ACVR2B: variants seen among roughly 807,000 people sequenced by gnomAD.
ACVR2B encodes activin receptor type-2B.
Under a neutral mutation model 65.1 loss-of-function variants are expected in ACVR2B, and 18 were observed. The ratio of observed to expected loss-of-function variants is 0.28; its 90% CI spans 0.19 to 0.41. The LOEUF (loss-of-function observed/expected upper bound fraction) is 0.41. ACVR2B is among the 10% of genes least tolerant of loss of function. The pLI is 1.00. For synonymous variants in ACVR2B, 298 were observed against 277.7 expected (o/e 1.07, Z -0.73); for missense variants, 482 against 682.7 (o/e 0.71, Z 3.28).
intron 1 of ACVR2B, among the ~76,000 whole-genome samples, chr3:38,455,478 G>A (rs1015297806): frequency 3.3e-5 from 5 of 152,006 alleles, no homozygotes; most frequent in Non-Finnish European, 5.9e-5. Context: ...GGCGGGGCCG[G>A]GCGTGCAGGG....
Position 38,454,312 on chromosome 3 carries a change from C to T in ACVR2B, c.-11C>T. ...CGGGCTCCGGGTGTGCGCGGGGCGG[C>T]GCCGCGGAACATGACGGCGCCCTGG... On this transcript the variant is annotated 5_prime_UTR_variant, in exon 1 of 11. Transcript: ENST00000352511. 1.6e-6 allele frequency: 2 copies of T among 1,286,596 alleles called. No homozygotes were observed. The highest frequency in any genetic ancestry group is 2.0e-6 in the Non-Finnish European group (2 of 1,016,786). 79.7% of individuals were successfully genotyped at this position (1,286,596 alleles called of 1,614,324 possible).
chr3:38,483,249 A>G lies in ACVR2B; in HGVS notation c.1456A>G (p.Asn486Asp), dbSNP rs777617241. The G allele has an allele frequency of 6.2e-7, 1 of 1,613,964 alleles. No homozygotes were observed. The highest frequency in any genetic ancestry group is 2.2e-5 in the East Asian group (1 of 44,882). ...GGTGTCCCTGATTCGGAGGTCGGTC[A>G]ACGGCACTACCTCGGACTGTCTCGT... is the stretch of plus-strand genomic sequence containing the variant. ...ERVSLIRRSVNGTTSDCLVSL... is the reference protein window; with the variant it reads ...ERVSLIRRSVDGTTSDCLVSL... Residue 486 changes from asparagine (N) to aspartate (D), a missense_variant, in exon 11 of 11, where the codon AAC (asparagine) becomes GAC (aspartate). Physicochemically the swap from Asn to Asp is conservative, Grantham distance 23 (BLOSUM62 1). Around this residue, in one of 5 missense-constraint regions of ACVR2B, gnomAD observed 223 missense variants for 386.3 expected, o/e 0.58. Coordinates refer to ENST00000352511, the MANE Select transcript of ACVR2B (RefSeq NM_001106.4). The surrounding 1 kb of genome is among the most constrained non-coding windows in gnomAD (Gnocchi z 4.8).
In ACVR2B at chr3:38,483,651, G is replaced by C; in HGVS notation, c.*319G>C. 6.4e-6 allele frequency: 1 copy of C among 156,418 alleles called. No homozygotes were observed. Among genetic ancestry groups the C allele is most frequent in the Non-Finnish European group, 1.4e-5 (1 of 71,220 alleles). The allele number at this position is 156,418 out of a possible 1,614,324, so 9.7% of individuals were successfully genotyped here. A position where few individuals can be genotyped will look rare whatever the true frequency, so the allele number is the denominator to read the frequency against. On this transcript the variant is annotated 3_prime_UTR_variant, in exon 11 of 11. Coordinates refer to ENST00000352511, the MANE Select transcript of ACVR2B (RefSeq NM_001106.4). The surrounding 1 kb of genome is among the most constrained non-coding windows in gnomAD (Gnocchi z 4.8). ...GCCTCAGCCACCTCCTGTCCTTTGG[G>C]ATTCGTTTTTCCCGCTTTCTCTTTG...
In ACVR2B at chr3:38,478,475, A is replaced by G. The variant is rs1443785575; in HGVS notation, c.623A>G (p.Gln208Arg). 1 of 1,614,182 alleles carries G rather than the reference A, an allele frequency of 6.2e-7. No individual in the cohort carries two copies. Among genetic ancestry groups the G allele is most frequent in the African/African-American group, 1.3e-5 (1 of 75,060 alleles). ...RGRFGCVWKAQLMNDFVAVKI... is the reference protein window; with the variant it reads ...RGRFGCVWKARLMNDFVAVKI... ...CGCTTTGGCTGTGTCTGGAAGGCCC[A>G]GCTCATGAATGACTTTGTAGCTGTC... Residue 208 changes from glutamine to arginine, a missense_variant, in exon 5 of 11, where the codon CAG becomes CGG. Gln to Arg is a conservative substitution (Grantham distance 43). Around this residue, in one of 5 missense-constraint regions of ACVR2B, gnomAD observed 223 missense variants for 386.3 expected, o/e 0.58. Coordinates refer to ENST00000352511, the MANE Select transcript of ACVR2B (RefSeq NM_001106.4).
chr3:38,479,941 G>A (rs751743153), intron 7 of ACVR2B, 115 bp downstream of exon 7: 1 of 1,364,278 alleles, frequency 7.3e-7, no homozygotes, highest in Non-Finnish European at 1.0e-6. Context: ...TACCCTGCTT[G>A]CTGTGTGTCC....
chr3:38,482,425 C>T lies in ACVR2B; in HGVS notation c.1214-5C>T, dbSNP rs760639941. Reference sequence around the variant, plus strand: ...TGATCCTGCCAGGCTCTCTCTTTCTCCTAGGACCCGTGGATGAGTACATGC... The same window carrying T: ...TGATCCTGCCAGGCTCTCTCTTTCTTCTAGGACCCGTGGATGAGTACATGC... On this transcript the variant is annotated splice_polypyrimidine_tract_variant and splice_region_variant and intron_variant, in intron 9 of 10. Coordinates refer to ENST00000352511, the MANE Select transcript of ACVR2B (RefSeq NM_001106.4). The T allele has an allele frequency of 1.2e-6, 2 of 1,611,906 alleles. No individual in the cohort carries two copies. Among genetic ancestry groups the T allele is most frequent in the Non-Finnish European group, 1.7e-6 (2 of 1,179,644 alleles).
At chr3:38,456,200 G>C (rs1005109041) in intron 1 of ACVR2B, among the ~76,000 whole-genome samples, 1 of 152,222 alleles carries the variant, frequency 6.6e-6, no homozygotes, top group African/African-American at 2.4e-5. Context: ...TGGGAGGAAG[G>C]TGGGGGTCAC....
At chr3:38,479,407 G>T in intron 6 of ACVR2B, 136 bp downstream of exon 6, 1 of 1,358,792 alleles carries the variant, frequency 7.4e-7, no homozygotes, top group East Asian at 2.4e-5. Flanking sequence ...ATCCACTATG[G>T]GGTTACTCCT....
rs1710080722 is a variant in ACVR2B at position 38,484,498 on chromosome 3, CG to C, written c.*1167del. 6.6e-6 allele frequency: 1 copy of C among 152,186 alleles called. No homozygotes were observed. The allele number at this position is 152,186 out of a possible 1,614,324, so 9.4% of individuals were successfully genotyped here. A position where few individuals can be genotyped will look rare whatever the true frequency, so the allele number is the denominator to read the frequency against. On this transcript the variant is annotated 3_prime_UTR_variant, in exon 11 of 11. Transcript: ENST00000352511. ...CCCCAGGTGGTGACATTACTGTCCC[CG>C]TTCTGTGGCTCGTGGACAAGACTTT...
In ACVR2B at chr3:38,481,079, G is replaced by A. The variant is rs138965859; in HGVS notation, c.960-272G>A. On this transcript the variant is annotated intron_variant, in intron 7 of 10. Coordinates refer to ENST00000352511, the MANE Select transcript of ACVR2B (RefSeq NM_001106.4). The surrounding 1 kb of genome is among the most constrained non-coding windows in gnomAD (Gnocchi z 4.7). ...TATATGGGCTGGCCTTTGATAGTGT[G>A]GGGACTGGGACAGGGTCTGCCCAGC... 6.5e-3 allele frequency among the ~76,000 whole-genome samples: 994 copies of A among 152,336 alleles called. 5 individuals carry two copies. Among genetic ancestry groups the A allele is most frequent in the Middle Eastern group, 0.02 (6 of 294 alleles).
chr3:38,459,494 C>T (rs1410149844), intron 1 of ACVR2B: 1 of 702,584 alleles, frequency 1.4e-6, no homozygotes, highest in Non-Finnish European at 1.7e-6. Context: ...AGCAGCCCCT[C>T]TCTGCTCACC....
chr3:38,490,551 ACT>A lies in ACVR2B; in HGVS notation c.*7224_*7225del, dbSNP rs1710193292. 6.6e-6 allele frequency: 1 copy of A among 151,436 alleles called. No individual in the cohort carries two copies. The highest frequency in any genetic ancestry group is 2.4e-5 in the African/African-American group (1 of 40,984). The allele number at this position is 151,436 out of a possible 1,614,324, so 9.4% of individuals were successfully genotyped here. ...ATTCTGTTGTGCCTTTGTTTTTATC[ACT>A]CTCTTCGCCCCAAAAGCAACTGCTG... On this transcript the variant is annotated 3_prime_UTR_variant, in exon 11 of 11. Coordinates refer to ENST00000352511, the MANE Select transcript of ACVR2B (RefSeq NM_001106.4).
intron 1 of ACVR2B, among the ~76,000 whole-genome samples, chr3:38,463,944 A>G (rs946569505): frequency 1.3e-5 from 2 of 152,144 alleles, no homozygotes; most frequent in Non-Finnish European, 2.9e-5. Context: ...TGCTGTGTGT[A>G]TCCACTCCAG....
rs755219586 is a variant in ACVR2B, at chr3:38,479,720, A to T, written c.853A>T (p.Asn285Tyr). ...CCTCAAGGGGAACATCATCACATGG[A>T]ACGAACTGTGTCATGTAGCAGAGAC... ...DYLKGNIITWNELCHVAETMS... is the reference protein window; with the variant it reads ...DYLKGNIITWYELCHVAETMS... Residue 285 changes from asparagine (N) to tyrosine (Y), a missense_variant, in exon 7 of 11, where the codon AAC becomes TAC. Asn to Tyr is a moderately radical substitution (Grantham distance 143). Around this residue, in one of 5 missense-constraint regions of ACVR2B, gnomAD observed 223 missense variants for 386.3 expected, o/e 0.58. Transcript: ENST00000352511. 5.6e-6 allele frequency: 9 copies of T among 1,614,184 alleles called. No homozygotes were observed. In the East Asian group the frequency reaches 1.8e-4, roughly 32 times the overall value.
chr3:38,484,649 A>C lies in ACVR2B; in HGVS notation c.*1317A>C, dbSNP rs1307733707. ...ACATTTGAATTCTTTTTAATTTATG[A>C]AACATGCTAAATTTTTTTTTTCAAA... On this transcript the variant is annotated 3_prime_UTR_variant, in exon 11 of 11. Transcript: ENST00000352511. 1 of 151,408 alleles carries C rather than the reference A, an allele frequency of 6.6e-6. No homozygotes were observed. The highest frequency in any genetic ancestry group is 1.5e-5 in the Non-Finnish European group (1 of 67,620). The allele number at this position is 151,408 out of a possible 1,614,324, so 9.4% of individuals were successfully genotyped here. A position where few individuals can be genotyped will look rare whatever the true frequency, so the allele number is the denominator to read the frequency against.
chr3:38,475,401 C>G (rs556209103), intron 1 of ACVR2B: 8 of 152,302 alleles, frequency 5.3e-5, no homozygotes, highest in Admixed American at 1.3e-4. Context: ...TCACAGGTGT[C>G]AGAGCCTAGG....
intron 1 of ACVR2B, among the ~76,000 whole-genome samples, chr3:38,469,500 G>A (rs1709785225): frequency 6.6e-6 from 1 of 152,206 alleles, no homozygotes; most frequent in South Asian, 2.1e-4. Flanking sequence ...TAATGAAATT[G>A]TCTGAGACTG....
intron 1 of ACVR2B, among the ~76,000 whole-genome samples, chr3:38,458,479 G>A (rs1359103509): frequency 6.6e-6 from 1 of 152,158 alleles, no homozygotes; most frequent in Non-Finnish European, 1.5e-5. Context: ...GTAGTCTTAA[G>A]GGGCAGCTTG....
chr3:38,457,218 T>G (rs1261943845), intron 1 of ACVR2B, among the ~76,000 whole-genome samples: 2 of 152,176 alleles, frequency 1.3e-5, no homozygotes, highest in African/African-American at 4.8e-5. Context: ...AAAAGTATAT[T>G]TCACTGAATT....
Sources: allele counts gnomAD v4.1 joint callset (sites outside exome capture counted in the v4.1 genomes callset), GRCh38; gene constraint gnomAD v4.1.1; regional missense constraint gnomAD v4.1.1; non-coding constraint Gnocchi (gnomAD v3.1); transcripts MANE v1.5; gene names NCBI Gene and HGNC (gene_info 2026-07-23, HGNC 2026-07-21).